Variants in SH3D19 observed in about 807,000 individuals in gnomAD.
SH3D19 encodes SH3 domain containing 19.
In SH3D19, 58 loss-of-function variants were observed where a neutral mutation model predicts 112.1. That is an observed-to-expected ratio of 0.52 (90% CI 0.42 to 0.64). The LOEUF (loss-of-function observed/expected upper bound fraction) is 0.64, where lower values mean the gene tolerates loss of function less well. Ranked by LOEUF, SH3D19 falls within the 30% of genes least tolerant of loss-of-function variation. The pLI, the probability that SH3D19 is intolerant of heterozygous loss-of-function variation, is 0.00. For missense variants in SH3D19, 1,090 were observed against 1,263.4 expected (o/e 0.86, Z 2.08); for synonymous variants, 391 against 448.5 (o/e 0.87, Z 1.62).
rs905924582 is a variant in SH3D19, at chr4:151,227,729, T to C, written c.113-1643A>G. Reference sequence around the variant, plus strand: ...AGCCAGAAACTGAATACAGATTAGCTATCCTCATATAACAAAGCAACAACT... The same window carrying C: ...AGCCAGAAACTGAATACAGATTAGCCATCCTCATATAACAAAGCAACAACT... On this transcript the variant is annotated intron_variant, in intron 1 of 19. Transcript: ENST00000604030. 1.0e-5 allele frequency: 10 copies of C among 984,464 alleles called. 1 individual carries two copies. Among genetic ancestry groups the C allele is most frequent in the Middle Eastern group, 5.2e-4 (1 of 1,932 alleles). The allele number at this position is 984,464 out of a possible 1,614,324, so 61.0% of individuals were successfully genotyped here. A position where few individuals can be genotyped will look rare whatever the true frequency, so the allele number is the denominator to read the frequency against.
intron 1 of SH3D19, among the ~76,000 whole-genome samples, chr4:151,299,752 A>G (rs1453228301): frequency 1.3e-5 from 2 of 152,086 alleles, no homozygotes; most frequent in Non-Finnish European, 2.9e-5. Flanking sequence ...AAGAAAAAAA[A>G]TGCACTTGTG....
At chr4:151,248,606 G>A (rs568872450) in intron 1 of SH3D19, among the ~76,000 whole-genome samples, 3 of 151,960 alleles carry the variant, frequency 2.0e-5, no homozygotes, top group African/African-American at 4.8e-5. Flanking sequence ...TAAGAGTATT[G>A]GAAAAATTGC....
intron 1 of SH3D19, among the ~76,000 whole-genome samples, chr4:151,255,745 C>A (rs1477973805): frequency 6.6e-6 from 1 of 152,236 alleles, no homozygotes; most frequent in African/African-American, 2.4e-5. Flanking sequence ...CCATTGAGCA[C>A]TGAGTGAACG....
At chr4:151,165,488 TG>T in intron 8 of SH3D19, 100 bp downstream of exon 8, 1 of 894,560 alleles carries the variant, frequency 1.1e-6, no homozygotes, top group South Asian at 1.8e-5. Flanking sequence ...TGACTATGAA[TG>T]GCAGATTATA....
chr4:151,191,833 G>A (rs1418703348), intron 2 of SH3D19, among the ~76,000 whole-genome samples: 1 of 151,988 alleles, frequency 6.6e-6, no homozygotes, highest in Non-Finnish European at 1.5e-5. Context: ...TTTTAGTAGA[G>A]ATGGGGTTTC....
intron 7 of SH3D19, among the ~76,000 whole-genome samples, chr4:151,172,612 C>G (rs755509473): frequency 6.6e-6 from 1 of 152,182 alleles, no homozygotes; most frequent in African/African-American, 2.4e-5. Flanking sequence ...CCTGCATAAT[C>G]ACATTTAACC....
chr4:151,238,772 C>A (rs1450389271), intron 1 of SH3D19, among the ~76,000 whole-genome samples: 1 of 151,952 alleles, frequency 6.6e-6, no homozygotes, highest in Non-Finnish European at 1.5e-5. Flanking sequence ...AAAAAAAAAT[C>A]TTTTTCTTCC....
At position 151,146,091 on chromosome 4, in the gene SH3D19, G is replaced by T. The variant is rs562354289; in HGVS notation, c.2082+1831C>A. On this transcript the variant is annotated intron_variant, in intron 11 of 19. Coordinates refer to ENST00000604030, the MANE Select transcript of SH3D19 (RefSeq NM_001378122.1). ...AGTTTAAGTGAATATTAATATATAT[G>T]AATATACTGCCTCCTTCTTATTTGT... 2.0e-5 allele frequency among the ~76,000 whole-genome samples: 3 copies of T among 152,222 alleles called. No individual in the cohort carries two copies. The South Asian group carries it at 6.2e-4, about 32-fold the overall frequency.
At chr4:151,162,422 ATT>A (rs1325694151) in intron 8 of SH3D19, among the ~76,000 whole-genome samples, 5 of 151,438 alleles carry the variant, frequency 3.3e-5, no homozygotes, top group Non-Finnish European at 5.9e-5. Context: ...AACTCCTAGA[ATT>A]CAATTTTCTA....
intron 3 of SH3D19, among the ~76,000 whole-genome samples, chr4:151,186,591 G>C (rs570279301): frequency 1.2e-3 from 176 of 151,300 alleles, no homozygotes; most frequent in African/African-American, 4.0e-3. Flanking sequence ...CTGCCACCAC[G>C]CCCAGCTAAT....
At chr4:151,187,694 T>C (rs1283664666) in intron 2 of SH3D19, among the ~76,000 whole-genome samples, 1 of 152,194 alleles carries the variant, frequency 6.6e-6, no homozygotes, top group Non-Finnish European at 1.5e-5. Flanking sequence ...TGCCTTAAAA[T>C]TGCTTTCATA....
At chr4:151,208,203 G>A (rs573681490) in intron 2 of SH3D19, among the ~76,000 whole-genome samples, 3 of 152,302 alleles carry the variant, frequency 2.0e-5, no homozygotes, top group African/African-American at 7.2e-5. Flanking sequence ...AGCCTTAAGA[G>A]CAGAGCTGAG....
chr4:151,172,130 G>A (rs776307534), intron 7 of SH3D19, among the ~76,000 whole-genome samples: 4 of 152,104 alleles, frequency 2.6e-5, no homozygotes, highest in Admixed American at 6.5e-5. Context: ...TCTTTCTCCT[G>A]TGTTCCTCTC....
chr4:151,190,573 G>A (rs1762456601), intron 2 of SH3D19, among the ~76,000 whole-genome samples: 1 of 152,326 alleles, frequency 6.6e-6, no homozygotes, highest in African/African-American at 2.4e-5. Flanking sequence ...TAGAGCTTGG[G>A]CCGTGGCTTC....
At chr4:151,283,246 T>C (rs867455606) in intron 1 of SH3D19, 2 of 1,613,796 alleles carry the variant, frequency 1.2e-6, no homozygotes, top group Non-Finnish European at 1.7e-6. Flanking sequence ...GAAGACAAGA[T>C]TTGTGCTGGT....
chr4:151,196,958 G>A (rs1349791913), intron 2 of SH3D19, among the ~76,000 whole-genome samples: 1 of 152,116 alleles, frequency 6.6e-6, no homozygotes, highest in South Asian at 2.1e-4. Context: ...CTCTACTCCT[G>A]CAAGAATGGC....
intron 1 of SH3D19, among the ~76,000 whole-genome samples, chr4:151,250,071 C>T (rs934811378): frequency 2.0e-4 from 30 of 152,252 alleles, no homozygotes; most frequent in African/African-American, 7.0e-4. Flanking sequence ...TTGGTGCCAT[C>T]TCTTTGGAGG....
intron 3 of SH3D19, among the ~76,000 whole-genome samples, 181 bp downstream of exon 3, chr4:151,187,242 C>G (rs575407980): frequency 5.3e-5 from 8 of 151,926 alleles, no homozygotes; most frequent in Non-Finnish European, 1.2e-4. Flanking sequence ...TCTGAGAAAC[C>G]GGCTTATCAA....
intron 1 of SH3D19, among the ~76,000 whole-genome samples, chr4:151,284,782 C>T (rs6815615): frequency 0.021 from 3,242 of 152,258 alleles, 126 homozygotes; most frequent in African/African-American, 0.074. Context: ...CTTGGCTGAC[C>T]TCAAAATCCA....
Sources: gnomAD v4.1 joint callset for allele counts (sites outside exome capture counted in the v4.1 genomes callset) on GRCh38, gnomAD v4.1.1 for gene constraint, MANE v1.5 for transcripts, NCBI Gene and HGNC (gene_info 2026-07-23, HGNC 2026-07-21) for gene names.